The following AGBL4 variants were observed in gnomAD, a reference collection of about 807,000 sequenced individuals.
AGBL4 encodes AGBL carboxypeptidase 4, also known as cytosolic carboxypeptidase 6.
In AGBL4, 58 loss-of-function variants were observed where a neutral mutation model predicts 66.4. The ratio of observed to expected loss-of-function variants is 0.87; its 90% CI spans 0.71 to 1.09. AGBL4 has a LOEUF of 1.09. Among genes scored for constraint, AGBL4 ranks in the 50% least tolerant of loss-of-function variants. The probability of loss-of-function intolerance (pLI) is 0.00; values close to 1 mark genes in which losing one functional copy is unlikely to be tolerated. For missense variants in AGBL4, 579 were observed against 631.0 expected (o/e 0.92, Z 0.88); for synonymous variants, 234 against 222.9 (o/e 1.05, Z -0.44).
intron 3 of AGBL4, among the ~76,000 whole-genome samples, chr1:49,272,486 T>C (rs1250056256): frequency 6.6e-6 from 1 of 152,192 alleles, no homozygotes; most frequent in Non-Finnish European, 1.5e-5. Flanking sequence ...TTATGTTACC[T>C]TGACAAATGT....
intron 5 of AGBL4, among the ~76,000 whole-genome samples, chr1:49,003,255 G>A (rs1661527997): frequency 6.6e-6 from 1 of 152,016 alleles, no homozygotes; most frequent in Admixed American, 6.5e-5. Context: ...AAAATTAGCT[G>A]GGCGTGGTGG....
At chr1:48,641,676 GT>G (rs1381722132) in intron 8 of AGBL4, among the ~76,000 whole-genome samples, 13 of 152,084 alleles carry the variant, frequency 8.5e-5, no homozygotes, top group Non-Finnish European at 1.5e-4. Context: ...ACAGTGTCTC[GT>G]ACACAGCTGA....
intron 3 of AGBL4, among the ~76,000 whole-genome samples, chr1:49,277,647 A>G (rs1021818226): frequency 3.3e-5 from 5 of 152,032 alleles, no homozygotes; most frequent in Non-Finnish European, 5.9e-5. Context: ...GCTCCAAAAA[A>G]TATGCTTCTT....
chr1:49,743,168 A>T (rs1178387359), intron 2 of AGBL4, among the ~76,000 whole-genome samples: 2 of 152,238 alleles, frequency 1.3e-5, no homozygotes, highest in African/African-American at 4.8e-5. Context: ...CAAAGGGCTA[A>T]CATCCGGAAT....
chr1:49,296,570 C>G (rs145381436), intron 3 of AGBL4, among the ~76,000 whole-genome samples: 1,627 of 152,294 alleles, frequency 0.011, 28 homozygotes, highest in African/African-American at 0.038. Context: ...ATAGTTCTGA[C>G]AGTCTGTGAC....
chr1:49,584,752 C>G, intron 3 of AGBL4, among the ~76,000 whole-genome samples: 1 of 152,172 alleles, frequency 6.6e-6, no homozygotes. Context: ...TTTGTAGCTT[C>G]AGGGTATATC....
chr1:49,276,861 C>T (rs1453033521), intron 3 of AGBL4, among the ~76,000 whole-genome samples: 1 of 152,080 alleles, frequency 6.6e-6, no homozygotes, highest in African/African-American at 2.4e-5. Context: ...GATTTTTCCC[C>T]ATGTGCACAT....
chr1:49,185,345 T>C (rs192979974), intron 4 of AGBL4, among the ~76,000 whole-genome samples: 217 of 152,296 alleles, frequency 1.4e-3, no homozygotes, highest in African/African-American at 5.0e-3. Context: ...ATCACAACTC[T>C]TGTGTAAATC....
intron 4 of AGBL4, among the ~76,000 whole-genome samples, chr1:49,174,609 G>C (rs1032449106): frequency 6.6e-6 from 1 of 152,040 alleles, no homozygotes; most frequent in Non-Finnish European, 1.5e-5. Flanking sequence ...ATATTCCACT[G>C]TGCTCCTCCA....
At chr1:49,038,670 A>G (rs540607863) in intron 5 of AGBL4, among the ~76,000 whole-genome samples, 12 of 152,186 alleles carry the variant, frequency 7.9e-5, no homozygotes, top group African/African-American at 2.9e-4. Context: ...CACCTATTAG[A>G]ATGGCCAAAA....
intron 6 of AGBL4, among the ~76,000 whole-genome samples, chr1:48,773,773 C>T (rs1224587582): frequency 6.6e-6 from 1 of 152,176 alleles, no homozygotes; most frequent in Admixed American, 6.5e-5. Context: ...TGGCTGTAGG[C>T]AAGTCTCTGA....
intron 11 of AGBL4, among the ~76,000 whole-genome samples, chr1:48,540,505 A>C (rs974009215): frequency 1.3e-5 from 2 of 151,946 alleles, no homozygotes; most frequent in Admixed American, 1.3e-4. Context: ...TGGCTAATTC[A>C]TGCCCCTTGC....
intron 6 of AGBL4, among the ~76,000 whole-genome samples, chr1:48,767,695 G>A (rs1025594803): frequency 2.2e-4 from 34 of 152,238 alleles, no homozygotes; most frequent in African/African-American, 6.5e-4. Context: ...TTACTCAGCC[G>A]GTCTGTGCAA....
chr1:49,177,079 T>TGG, intron 4 of AGBL4, among the ~76,000 whole-genome samples: 1 of 152,156 alleles, frequency 6.6e-6, no homozygotes, highest in Non-Finnish European at 1.5e-5. Context: ...GATCCCATTT[T>TGG]GATTATATCT....
Position 48,736,517 on chromosome 1 carries a change from G to T in AGBL4, c.635-73276C>A. 1 of 1,402,880 alleles carries T rather than the reference G, an allele frequency of 7.1e-7. No homozygotes were observed. Among genetic ancestry groups the T allele is most frequent in the Non-Finnish European group, 1.0e-6 (1 of 999,438 alleles). 86.9% of individuals were successfully genotyped at this position (1,402,880 alleles called of 1,614,324 possible). ...AGGAGGGCAGTGGGAGGCTTCTCTT[G>T]TCCTTTAAAAAGCATTGCTGCACAA... On this transcript the variant is annotated intron_variant, in intron 6 of 13. Coordinates refer to ENST00000371839, the MANE Select transcript of AGBL4 (RefSeq NM_032785.4). The surrounding 1 kb of genome is among the most constrained non-coding windows in gnomAD (Gnocchi z 4.0).
intron 4 of AGBL4, among the ~76,000 whole-genome samples, chr1:49,093,014 A>G (rs1168007072): frequency 6.6e-6 from 1 of 152,076 alleles, no homozygotes; most frequent in Non-Finnish European, 1.5e-5. Context: ...ACATCAAGGG[A>G]AAAGACATAA....
chr1:48,748,875 G>A (rs1205060786), intron 6 of AGBL4, among the ~76,000 whole-genome samples: 1 of 152,122 alleles, frequency 6.6e-6, no homozygotes, highest in Admixed American at 6.5e-5. Flanking sequence ...AGTGAGGGCA[G>A]GAGCAGGCTT....
chr1:48,793,779 T>C (rs1487415278), intron 6 of AGBL4, among the ~76,000 whole-genome samples: 1 of 152,198 alleles, frequency 6.6e-6, no homozygotes, highest in Non-Finnish European at 1.5e-5. Context: ...AAGCACACTC[T>C]TTCAAGCTGT....
intron 5 of AGBL4, among the ~76,000 whole-genome samples, chr1:48,907,348 T>C (rs971284956): frequency 2.0e-5 from 3 of 152,202 alleles, no homozygotes; most frequent in Admixed American, 2.0e-4. Context: ...TAATAAAGTT[T>C]GAATAAAATA....
Sources: allele counts gnomAD v4.1 joint callset (sites outside exome capture counted in the v4.1 genomes callset), GRCh38; gene constraint gnomAD v4.1.1; non-coding constraint Gnocchi (gnomAD v3.1); transcripts MANE v1.5; gene names NCBI Gene and HGNC (gene_info 2026-07-23, HGNC 2026-07-21).